The following NPAS3 variants were observed in gnomAD, a reference collection of about 807,000 sequenced individuals.
NPAS3 encodes neuronal PAS domain protein 3.
In NPAS3, 14 loss-of-function variants were observed where a neutral mutation model predicts 73.1. The ratio of observed to expected loss-of-function variants is 0.19; its 90% CI spans 0.13 to 0.30. The LOEUF is 0.30. Among genes scored for constraint, NPAS3 ranks in the 10% least tolerant of loss-of-function variants. NPAS3 has a pLI of 1.00. For missense variants in NPAS3, 1,096 were observed against 1,250.0 expected (o/e 0.88, Z 1.86); for synonymous variants, 620 against 541.5 (o/e 1.14, Z -2.01).
rs188655126 is a variant in NPAS3 at position 33,506,631 on chromosome 14, T to A, written c.469-53490T>A. ...TTTGTATTGATATGATTATAAGAGA[T>A]CTTTGTAGACAATGTTAGTGTATGG... On this transcript the variant is annotated intron_variant, in intron 4 of 11. Transcript: ENST00000356141. Among the ~76,000 whole-genome samples the A allele has an allele frequency of 1.5e-3, 224 of 152,172 alleles. 1 individual carries two copies. The highest frequency in any genetic ancestry group is 5.1e-3 in the African/African-American group (210 of 41,544).
intron 3 of NPAS3, among the ~76,000 whole-genome samples, chr14:33,220,725 G>C (rs1594429912): frequency 6.6e-6 from 1 of 152,168 alleles, no homozygotes; most frequent in Middle Eastern, 3.4e-3. Flanking sequence ...GTGAACTCTT[G>C]ATCATTGAAT....
At chr14:33,157,750 A>G (rs754236916) in intron 2 of NPAS3, among the ~76,000 whole-genome samples, 2 of 152,336 alleles carry the variant, frequency 1.3e-5, no homozygotes, top group Admixed American at 6.5e-5. Context: ...TTAACAAGTC[A>G]GGATCTGGAG....
intron 5 of NPAS3, among the ~76,000 whole-genome samples, chr14:33,636,109 A>G (rs1030889414): frequency 6.6e-6 from 1 of 152,172 alleles, no homozygotes; most frequent in Non-Finnish European, 1.5e-5. Context: ...TAGTAAAGAC[A>G]GGGTTTCTCC....
Position 33,597,591 on chromosome 14 carries a change from C to A in NPAS3, c.558+37381C>A, listed in dbSNP as rs145622685. Among the ~76,000 whole-genome samples, 50 of 152,312 alleles carry A rather than the reference C, an allele frequency of 3.3e-4. 1 individual carries two copies. In the East Asian group the frequency reaches 9.6e-3, roughly 29 times the overall value. ...ATGTTGATTTTCTTCATACATATAC[C>A]TGTGGAAACAATATTCACAAAATGA... On this transcript the variant is annotated intron_variant, in intron 5 of 11. Transcript: ENST00000356141.
At chr14:33,737,639 C>T (rs1190227976) in intron 7 of NPAS3, among the ~76,000 whole-genome samples, 1 of 152,168 alleles carries the variant, frequency 6.6e-6, no homozygotes, top group Non-Finnish European at 1.5e-5. Flanking sequence ...CTCTCCTCCT[C>T]CTCATCTGCA....
intron 7 of NPAS3, among the ~76,000 whole-genome samples, chr14:33,754,215 T>C (rs1471067410): frequency 1.3e-5 from 2 of 152,114 alleles, no homozygotes; most frequent in East Asian, 3.9e-4. Context: ...TAGAGGGCTT[T>C]TTTCCCTGAT....
chr14:33,232,030 G>A (rs925663929), intron 3 of NPAS3, among the ~76,000 whole-genome samples: 3 of 152,150 alleles, frequency 2.0e-5, no homozygotes, highest in African/African-American at 4.8e-5. Flanking sequence ...ATAATACCAT[G>A]TAGTCTTATC....
At chr14:33,369,209 C>G (rs1009394372) in intron 4 of NPAS3, among the ~76,000 whole-genome samples, 3 of 151,940 alleles carry the variant, frequency 2.0e-5, no homozygotes, top group African/African-American at 7.3e-5. Context: ...CATTCAGACA[C>G]CACACTATGG....
intron 5 of NPAS3, among the ~76,000 whole-genome samples, chr14:33,584,412 AGGG>A (rs112243518): frequency 2.0e-5 from 3 of 150,190 alleles, no homozygotes; most frequent in African/African-American, 2.5e-5. Flanking sequence ...AAAAAAAAAA[AGGG>A]GGATCAATAG....
At chr14:33,036,229 T>C (rs2040164246) in intron 1 of NPAS3, among the ~76,000 whole-genome samples, 1 of 151,926 alleles carries the variant, frequency 6.6e-6, no homozygotes, top group Non-Finnish European at 1.5e-5. Context: ...CTCAGTAGGG[T>C]AGGAAGCCCA....
chr14:33,653,247 A>G (rs1472288471), intron 5 of NPAS3, among the ~76,000 whole-genome samples: 3 of 152,208 alleles, frequency 2.0e-5, no homozygotes, highest in East Asian at 1.9e-4. Flanking sequence ...TATTGCTGAC[A>G]ATGCCTTAAA....
At chr14:33,619,383 G>T (rs2058015761) in intron 5 of NPAS3, among the ~76,000 whole-genome samples, 2 of 152,022 alleles carry the variant, frequency 1.3e-5, no homozygotes, top group Admixed American at 1.3e-4. Flanking sequence ...GAATAGGTTA[G>T]CCCATTATTG....
At chr14:33,404,740 T>G (rs1390110206) in intron 4 of NPAS3, among the ~76,000 whole-genome samples, 1 of 152,108 alleles carries the variant, frequency 6.6e-6, no homozygotes, top group Non-Finnish European at 1.5e-5. Flanking sequence ...GGACACTTTA[T>G]GAAAATGACA....
chr14:33,303,382 A>C (rs2042630497), intron 3 of NPAS3, among the ~76,000 whole-genome samples: 1 of 152,112 alleles, frequency 6.6e-6, no homozygotes, highest in Non-Finnish European at 1.5e-5. Context: ...AAATACTAAT[A>C]TCAATTATTA....
intron 5 of NPAS3, chr14:33,612,268 G>C: frequency 1.0e-5 from 4 of 385,584 alleles, no homozygotes; most frequent in South Asian, 7.6e-5. Context: ...ATGCCCCACT[G>C]TTCAGCTGAT....
At chr14:33,662,843 T>G (rs2059345791) in intron 5 of NPAS3, among the ~76,000 whole-genome samples, 1 of 151,640 alleles carries the variant, frequency 6.6e-6, no homozygotes, top group Non-Finnish European at 1.5e-5. Context: ...CTTGAGGAGA[T>G]TTGGGGCTGA....
At chr14:33,446,772 A>G (rs2049527907) in intron 4 of NPAS3, among the ~76,000 whole-genome samples, 1 of 152,230 alleles carries the variant, frequency 6.6e-6, no homozygotes, top group Admixed American at 6.5e-5. Context: ...TTTCTATAGC[A>G]TTAGTTACAG....
At chr14:33,142,191 CTTTTTTTT>C (rs10709910) in intron 2 of NPAS3, among the ~76,000 whole-genome samples, 6 of 38,084 alleles carry the variant, frequency 1.6e-4, no homozygotes, top group Admixed American at 1.3e-3. Context: ...TTTGTATAAG[CTTTTTTTT>C]TTTTTTTTTT....
chr14:33,731,171 G>T (rs997360980), intron 6 of NPAS3, among the ~76,000 whole-genome samples: 1 of 152,072 alleles, frequency 6.6e-6, no homozygotes, highest in Non-Finnish European at 1.5e-5. Flanking sequence ...GCTCACACCT[G>T]TAATCTCAGC....
Sources: allele counts gnomAD v4.1 joint callset (sites outside exome capture counted in the v4.1 genomes callset), GRCh38; gene constraint gnomAD v4.1.1; transcripts MANE v1.5; gene names NCBI Gene and HGNC (gene_info 2026-07-23, HGNC 2026-07-21).